Variants in EFCAB6 observed in about 807,000 individuals in gnomAD.
EFCAB6 encodes the protein EF-hand calcium binding domain 6.
A neutral mutation model predicts 169.8 loss-of-function variants in EFCAB6; 156 were observed. That is an observed-to-expected ratio of 0.92 (90% CI 0.81 to 1.05). The LOEUF (loss-of-function observed/expected upper bound fraction) is 1.05. EFCAB6 is among the 50% of genes least tolerant of loss of function. EFCAB6 has a pLI of 0.00. For synonymous variants in EFCAB6, 698 were observed against 676.4 expected, an observed-to-expected ratio of 1.03 and a Z score of -0.50; for missense variants, 1,800 against 1,829.1, an observed-to-expected ratio of 0.98 and a Z score of 0.29.
At chr22:43,767,832 C>G (rs1056362449) in intron 4 of EFCAB6, among the ~76,000 whole-genome samples, 11 of 152,202 alleles carry the variant, frequency 7.2e-5, no homozygotes, top group African/African-American at 2.4e-4. Flanking sequence ...TGATAGTCTC[C>G]AAAGCTAAGC....
chr22:43,636,000 G>A (rs1267817738), intron 17 of EFCAB6, among the ~76,000 whole-genome samples: 1 of 152,206 alleles, frequency 6.6e-6, no homozygotes, highest in Non-Finnish European at 1.5e-5. Flanking sequence ...CAGATGGAAG[G>A]CACCACCTCT....
chr22:43,633,859 C>A (rs530390796), intron 18 of EFCAB6, among the ~76,000 whole-genome samples: 1 of 152,324 alleles, frequency 6.6e-6, no homozygotes, highest in Admixed American at 6.5e-5. Context: ...TACTGCCTGG[C>A]AGATAAACAC....
chr22:43,681,118 AG>A (rs1174215343), intron 12 of EFCAB6, among the ~76,000 whole-genome samples: 2 of 152,200 alleles, frequency 1.3e-5, no homozygotes, highest in African/African-American at 4.8e-5. Flanking sequence ...TCCCTTTATC[AG>A]GTGAAGGTAT....
At chr22:43,755,700 C>A in intron 6 of EFCAB6, 66 bp downstream of exon 6, 1 of 1,403,886 alleles carries the variant, frequency 7.1e-7, no homozygotes, top group Non-Finnish European at 9.7e-7. Flanking sequence ...TCATCTACCT[C>A]CACTAACAAT....
Position 43,675,465 on chromosome 22 carries a change from TATATA to T in EFCAB6, c.1419+2526_1419+2530del, listed in dbSNP as rs568377754. Among the ~76,000 whole-genome samples, 1,344 of 139,818 alleles carry T rather than the reference TATATA, an allele frequency of 9.6e-3. 32 individuals are homozygous for T. Among genetic ancestry groups the T allele is most frequent in the African/African-American group, 0.033 (1,249 of 38,060 alleles). The allele number at this position is 139,818 out of a possible 152,430, so 91.7% of individuals were successfully genotyped here. Reference sequence around the variant, plus strand: ...TAATATAGTATAATATATGATATAATATATAATATAATATGTAATATTATATAATA... The same window carrying T: ...TAATATAGTATAATATATGATATAATATATAATATGTAATATTATATAATA... On this transcript the variant is annotated intron_variant, in intron 13 of 31. Coordinates refer to ENST00000262726, the MANE Select transcript of EFCAB6 (RefSeq NM_022785.4).
At chr22:43,564,935 T>C (rs921627549) in intron 26 of EFCAB6, among the ~76,000 whole-genome samples, 2 of 152,206 alleles carry the variant, frequency 1.3e-5, no homozygotes, top group African/African-American at 2.4e-5. Context: ...GCAGTGCACG[T>C]GCGTTTGCTT....
intron 24 of EFCAB6, among the ~76,000 whole-genome samples, chr22:43,583,614 C>A (rs939584383): frequency 7.4e-6 from 1 of 134,380 alleles, no homozygotes; most frequent in Non-Finnish European, 1.6e-5. Flanking sequence ...CTTTTAGCAG[C>A]GAGGCCTTTG....
In EFCAB6 at chr22:43,537,881, A is replaced by T. The variant is rs1020692467; in HGVS notation, c.3880-336T>A. Among the ~76,000 whole-genome samples the T allele has an allele frequency of 1.3e-5, 2 of 152,140 alleles. No homozygotes were observed. Among genetic ancestry groups the T allele is most frequent in the African/African-American group, 4.8e-5 (2 of 41,418 alleles). Reference sequence around the variant, plus strand: ...CAACGACAAATTTTTTCACTAGCGGAAGAGTCTTATCCAAGAAAGGGATTT... The same window carrying T: ...CAACGACAAATTTTTTCACTAGCGGTAGAGTCTTATCCAAGAAAGGGATTT... On this transcript the variant is annotated intron_variant, in intron 28 of 31. Coordinates refer to ENST00000262726, the MANE Select transcript of EFCAB6 (RefSeq NM_022785.4). The surrounding 1 kb of genome is among the most constrained non-coding windows in gnomAD (Gnocchi z 4.3).
chr22:43,673,956 G>C (rs973761964), intron 13 of EFCAB6, among the ~76,000 whole-genome samples: 3 of 145,274 alleles, frequency 2.1e-5, no homozygotes, highest in African/African-American at 7.7e-5. Context: ...GACACAGCAA[G>C]ACTCCGTCTC....
intron 6 of EFCAB6, among the ~76,000 whole-genome samples, chr22:43,737,289 T>G (rs905501173): frequency 1.3e-5 from 2 of 151,938 alleles, no homozygotes; most frequent in Non-Finnish European, 2.9e-5. Context: ...CACACACACA[T>G]GCACAGATAC....
intron 17 of EFCAB6, among the ~76,000 whole-genome samples, chr22:43,642,824 G>C (rs1386953383): frequency 2.0e-5 from 3 of 152,156 alleles, no homozygotes; most frequent in Admixed American, 2.0e-4. Flanking sequence ...ATTGGGCTCA[G>C]GATGCTGTTG....
At chr22:43,598,621 T>C (rs555653679) in intron 23 of EFCAB6, among the ~76,000 whole-genome samples, 1 of 152,294 alleles carries the variant, frequency 6.6e-6, no homozygotes, top group South Asian at 2.1e-4. Context: ...TTTAATTGTA[T>C]ATTTAAAAAT....
At chr22:43,775,065 C>T (rs2061596214) in intron 3 of EFCAB6, among the ~76,000 whole-genome samples, 1 of 151,910 alleles carries the variant, frequency 6.6e-6, no homozygotes, top group Non-Finnish European at 1.5e-5. Context: ...GCGTGATGGT[C>T]ACAGAGCAAA....
At chr22:43,791,953 G>A (rs911207180) in intron 2 of EFCAB6, among the ~76,000 whole-genome samples, 4 of 152,176 alleles carry the variant, frequency 2.6e-5, no homozygotes, top group Non-Finnish European at 5.9e-5. Context: ...GAAGAGCCTC[G>A]CTGGTTCCCA....
At chr22:43,717,024 T>C in intron 8 of EFCAB6, 52 bp from the exon 9 acceptor site, 1 of 1,399,130 alleles carries the variant, frequency 7.1e-7, no homozygotes, top group Non-Finnish European at 9.3e-7. Flanking sequence ...GGTTAAACAT[T>C]TAAATATTGT....
At chr22:43,789,844 CCTT>C (rs1162268538) in intron 2 of EFCAB6, among the ~76,000 whole-genome samples, 1 of 131,952 alleles carries the variant, frequency 7.6e-6, no homozygotes, top group Non-Finnish European at 1.6e-5. Flanking sequence ...AGTTGGCTAA[CCTT>C]CACACACACA....
intron 17 of EFCAB6, among the ~76,000 whole-genome samples, chr22:43,656,353 T>C (rs2148109657): frequency 6.6e-6 from 1 of 151,308 alleles, no homozygotes; most frequent in Middle Eastern, 3.4e-3. Flanking sequence ...ATTGCTGCCA[T>C]TGCACTCCAG....
chr22:43,757,009 T>C (rs1569473498), intron 5 of EFCAB6, among the ~76,000 whole-genome samples: 1 of 152,128 alleles, frequency 6.6e-6, no homozygotes, highest in African/African-American at 2.4e-5. Flanking sequence ...GATGCCAGGC[T>C]CGTGAGTCTG....
intron 27 of EFCAB6, among the ~76,000 whole-genome samples, chr22:43,549,423 A>C (rs1191109381): frequency 6.6e-6 from 1 of 152,222 alleles, no homozygotes; most frequent in Non-Finnish European, 1.5e-5. Context: ...TTACGCTAAT[A>C]AATTTGAAAA....
Sources: gnomAD v4.1 joint callset for allele counts (sites outside exome capture counted in the v4.1 genomes callset) on GRCh38, gnomAD v4.1.1 for gene constraint, Gnocchi (gnomAD v3.1) non-coding constraint, MANE v1.5 for transcripts, NCBI Gene and HGNC (gene_info 2026-07-23, HGNC 2026-07-21) for gene names.